Variants in PACRG observed in about 807,000 individuals in gnomAD.
PACRG encodes the protein parkin coregulated.
PACRG carries 29 observed loss-of-function variants against 29.7 expected under a neutral mutation model. The ratio of observed to expected loss-of-function variants is 0.98; its 90% confidence interval spans 0.73 to 1.33. PACRG has a LOEUF of 1.33. Ranked by LOEUF, PACRG falls within the 40% of genes most tolerant of loss-of-function variation. PACRG has a pLI of 0.00. For missense variants in PACRG, 279 were observed against 316.2 expected (o/e 0.88, Z 0.89); for synonymous variants, 116 against 118.7 (o/e 0.98, Z 0.15).
At chr6:162,727,283 AGGGGCGAAGGTGAGGGGCGGCGGC>A, upstream of PACRG, 1,745 of 266,016 alleles carry the variant, frequency 6.6e-3, 12 homozygotes, top group Non-Finnish European at 7.9e-3. Flanking sequence ...CAGTGAGGTG[AGGGGCGAAGGTGAGGGGCGGCGGC>A]GGGGCGAAGG....
chr6:162,833,212 T>A (rs975407689), intron 2 of PACRG, among the ~76,000 whole-genome samples: 3 of 152,200 alleles, frequency 2.0e-5, no homozygotes, highest in Admixed American at 6.5e-5. Context: ...ATTAACTTTC[T>A]TTTGTTACCT....
chr6:163,279,687 G>A (rs1784163054), intron 4 of PACRG, among the ~76,000 whole-genome samples: 1 of 152,088 alleles, frequency 6.6e-6, no homozygotes, highest in Non-Finnish European at 1.5e-5. Context: ...AGTTGTGTCT[G>A]TGAGTATGTG....
intron 3 of PACRG, among the ~76,000 whole-genome samples, chr6:163,076,851 C>T (rs1444971272): frequency 1.3e-5 from 2 of 152,160 alleles, no homozygotes; most frequent in African/African-American, 4.8e-5. Flanking sequence ...CCAGTCCTAT[C>T]CCCACTCTGC....
At chr6:163,137,638 C>T (rs951199735) in intron 4 of PACRG, among the ~76,000 whole-genome samples, 2 of 152,216 alleles carry the variant, frequency 1.3e-5, no homozygotes, top group Admixed American at 6.5e-5. Flanking sequence ...GCTCGGTCTC[C>T]ACCCGGCCGC....
chr6:163,091,617 G>A (rs1343530181), intron 4 of PACRG, among the ~76,000 whole-genome samples: 3 of 152,112 alleles, frequency 2.0e-5, no homozygotes, highest in Admixed American at 6.6e-5. Context: ...AACAATGCCA[G>A]CCTGCAGTTT....
intron 1 of PACRG, among the ~76,000 whole-genome samples, chr6:162,802,828 G>A (rs116041712): frequency 0.01 from 1,548 of 152,098 alleles, 37 homozygotes; most frequent in African/African-American, 0.034. Flanking sequence ...GAATTTTATG[G>A]TATCATCCCT....
chr6:163,016,374 G>A (rs1031925768), intron 2 of PACRG: 1 of 151,992 alleles, frequency 6.6e-6, no homozygotes, highest in Non-Finnish European at 1.5e-5. Context: ...CAAAAATTCT[G>A]TGTGTTTAAT....
intron 2 of PACRG, among the ~76,000 whole-genome samples, chr6:163,026,394 A>T (rs561607453): frequency 1.8e-4 from 27 of 152,370 alleles, no homozygotes; most frequent in African/African-American, 6.5e-4. Context: ...AATATATGTG[A>T]CCTTTCTAAT....
chr6:162,780,466 A>G (rs879297098), intron 1 of PACRG, among the ~76,000 whole-genome samples: 1 of 152,220 alleles, frequency 6.6e-6, no homozygotes, highest in Non-Finnish European at 1.5e-5. Flanking sequence ...TTATAGCTAT[A>G]CTAAAATTCT....
chr6:163,269,940 AAAGAAAG>A (rs1562350039), intron 4 of PACRG, among the ~76,000 whole-genome samples: 118 of 24,590 alleles, frequency 4.8e-3, no homozygotes, highest in African/African-American at 0.013. Context: ...ACAAAGAAAG[AAAGAAAG>A]AAAGAAAGAA....
At chr6:162,864,012 A>G (rs968162450) in intron 2 of PACRG, among the ~76,000 whole-genome samples, 2 of 151,974 alleles carry the variant, frequency 1.3e-5, no homozygotes, top group African/African-American at 2.4e-5. Context: ...TTCTCTATGG[A>G]GCCAAGGAAT....
chr6:163,100,937 GA>G, intron 4 of PACRG: 2 of 985,124 alleles, frequency 2.0e-6, no homozygotes, highest in Non-Finnish European at 2.4e-6. Context: ...TAATAAAGAA[GA>G]AAGGTAAAGA....
intron 1 of PACRG, among the ~76,000 whole-genome samples, chr6:162,743,971 GTTC>G (rs936331660): frequency 6.6e-6 from 1 of 152,064 alleles, no homozygotes; most frequent in Non-Finnish European, 1.5e-5. Context: ...AGAAATTATT[GTTC>G]TTGTTATTTA....
chr6:162,857,811 T>C (rs536916820), intron 2 of PACRG, among the ~76,000 whole-genome samples: 2 of 152,136 alleles, frequency 1.3e-5, no homozygotes, highest in East Asian at 3.9e-4. Flanking sequence ...AAACTAGATC[T>C]AAGATATAAA....
At chr6:163,052,213 G>A (rs1396008022) in intron 2 of PACRG, among the ~76,000 whole-genome samples, 1 of 152,140 alleles carries the variant, frequency 6.6e-6, no homozygotes, top group Admixed American at 6.6e-5. Flanking sequence ...CTCAAGGGTT[G>A]AGAAACACTG....
chr6:162,831,925 T>C (rs1788806450), intron 2 of PACRG, among the ~76,000 whole-genome samples: 1 of 152,218 alleles, frequency 6.6e-6, no homozygotes. Flanking sequence ...GCATTTGGGT[T>C]GATTCCATGT....
chr6:162,892,247 C>A lies in PACRG; in HGVS notation c.291+77966C>A, dbSNP rs144107447. Reference sequence around the variant, plus strand: ...GGAGTGGACAGATGACCTTCCATGCCATTGCCATCCACAGGCACCAGGCAT... The same window carrying A: ...GGAGTGGACAGATGACCTTCCATGCAATTGCCATCCACAGGCACCAGGCAT... On this transcript the variant is annotated intron_variant, in intron 2 of 4. Coordinates refer to ENST00000366888, the MANE Select transcript of PACRG (RefSeq NM_001080379.2). Among the ~76,000 whole-genome samples, 994 of 152,308 alleles carry A rather than the reference C, an allele frequency of 6.5e-3. 4 individuals carry two copies. Among genetic ancestry groups the A allele is most frequent in the Non-Finnish European group, 0.01 (701 of 68,030 alleles).
intron 1 of PACRG, among the ~76,000 whole-genome samples, chr6:162,790,957 T>C (rs1784885175): frequency 6.6e-6 from 1 of 152,236 alleles, no homozygotes; most frequent in Admixed American, 6.5e-5. Context: ...TTGTGCTTTG[T>C]TTAGCAGATT....
rs79183104 is a variant in PACRG at position 163,256,655 on chromosome 6, A to G, written c.614-58172A>G. ...AAGAAGGGACACGTCGGTGCCTTGA[A>G]GGAGGCCAGTGCCCGAGTGAAGGCA... On this transcript the variant is annotated intron_variant, in intron 4 of 4. Coordinates refer to ENST00000366888, the MANE Select transcript of PACRG (RefSeq NM_001080379.2). Among the ~76,000 whole-genome samples, 496 of 152,322 alleles carry G rather than the reference A, an allele frequency of 3.3e-3. 2 individuals carry two copies. Among genetic ancestry groups the G allele is most frequent in the African/African-American group, 0.011 (461 of 41,572 alleles).
Sources: gnomAD v4.1 joint callset for allele counts (sites outside exome capture counted in the v4.1 genomes callset) on GRCh38, gnomAD v4.1.1 for gene constraint, MANE v1.5 for transcripts, NCBI Gene and HGNC (gene_info 2026-07-23, HGNC 2026-07-21) for gene names.